Variants in ARSK observed in about 807,000 individuals in gnomAD.
ARSK encodes arylsulfatase family member K, also known as arylsulfatase K.
In ARSK, 37 loss-of-function variants were observed where a neutral mutation model predicts 53.2. That is an observed-to-expected ratio of 0.70 (90% CI 0.54 to 0.92). The LOEUF (loss-of-function observed/expected upper bound fraction) is 0.92, where lower values mean the gene tolerates loss of function less well. ARSK is among the 40% of genes least tolerant of loss of function. ARSK has a pLI of 0.00. For synonymous variants in ARSK, 208 were observed against 223.2 expected (o/e 0.93, Z 0.61); for missense variants, 613 against 643.0 (o/e 0.95, Z 0.51).
At chr5:95,557,445 A>G (rs533404215) in intron 1 of ARSK, among the ~76,000 whole-genome samples, 14 of 152,356 alleles carry the variant, frequency 9.2e-5, no homozygotes, top group African/African-American at 3.4e-4. Context: ...TAAATGCATT[A>G]ATGCAATTAC....
chr5:95,583,913 G>A (rs143788295), intron 4 of ARSK, among the ~76,000 whole-genome samples: 237 of 152,102 alleles, frequency 1.6e-3, no homozygotes, highest in African/African-American at 5.5e-3. Flanking sequence ...TGCCAATATC[G>A]CTTTCTGTGG....
chr5:95,585,066 A>C (rs1749089865), intron 4 of ARSK, among the ~76,000 whole-genome samples: 2 of 152,190 alleles, frequency 1.3e-5, no homozygotes, highest in African/African-American at 4.8e-5. Context: ...AATGGCCAAC[A>C]AATATATGAG....
intron 3 of ARSK, among the ~76,000 whole-genome samples, chr5:95,576,083 G>T (rs181289554): frequency 1.3e-5 from 2 of 152,010 alleles, no homozygotes; most frequent in East Asian, 3.9e-4. Flanking sequence ...GTGGTGGGGG[G>T]TGGGTAATCA....
intron 7 of ARSK, among the ~76,000 whole-genome samples, chr5:95,602,035 GA>G (rs201801396): frequency 6.1e-5 from 9 of 146,720 alleles, no homozygotes; most frequent in South Asian, 2.2e-4. Context: ...AACTTTAGAA[GA>G]AAAAAAAAAG....
chr5:95,581,874 G>GT (rs112835623), intron 3 of ARSK, among the ~76,000 whole-genome samples: 1,615 of 152,036 alleles, frequency 0.011, 30 homozygotes, highest in African/African-American at 0.036. Context: ...TGAAATTATG[G>GT]TTTTTTTATT....
At chr5:95,585,004 C>G (rs1749088550) in intron 4 of ARSK, among the ~76,000 whole-genome samples, 1 of 152,022 alleles carries the variant, frequency 6.6e-6, no homozygotes, top group African/African-American at 2.4e-5. Context: ...GAGCAAAACT[C>G]CATCTCAAAG....
At chr5:95,567,855 A>C (rs1368425414) in intron 2 of ARSK, 35 bp from the exon 3 acceptor site, 1 of 1,572,390 alleles carries the variant, frequency 6.4e-7, no homozygotes, top group Non-Finnish European at 8.6e-7. Context: ...GTTAAGCTTT[A>C]CCTTAATCCC....
chr5:95,572,292 C>G (rs1748845578), intron 3 of ARSK, among the ~76,000 whole-genome samples: 1 of 152,152 alleles, frequency 6.6e-6, no homozygotes, highest in South Asian at 2.1e-4. Context: ...AATTTATCTG[C>G]TTAGAATCCC....
chr5:95,560,790 T>A, intron 1 of ARSK, among the ~76,000 whole-genome samples: 1 of 145,980 alleles, frequency 6.9e-6, no homozygotes, highest in Non-Finnish European at 1.5e-5. Flanking sequence ...AATTAAAAGA[T>A]GGGCAAAAGA....
intron 6 of ARSK, 186 bp from the exon 7 acceptor site, chr5:95,600,661 C>A (rs1289054049): frequency 4.3e-6 from 3 of 700,716 alleles, no homozygotes; most frequent in Non-Finnish European, 7.8e-6. Flanking sequence ...AAATTACTTG[C>A]TGAAGTCCAC....
At chr5:95,591,362 CTG>C (rs753616334) in intron 5 of ARSK, 37 bp from the exon 6 acceptor site, 128 of 1,515,378 alleles carry the variant, frequency 8.4e-5, no homozygotes, top group Admixed American at 2.0e-4. Context: ...AAAACATGAA[CTG>C]AAAGTTTTAA....
intron 1 of ARSK, chr5:95,556,193 T>C (rs1487193831): frequency 1.4e-6 from 1 of 702,376 alleles, no homozygotes; most frequent in Non-Finnish European, 2.6e-6. Context: ...ATATGTTGTA[T>C]TTCCTTTCTC....
At chr5:95,567,459 T>C (rs1748743058) in intron 2 of ARSK, among the ~76,000 whole-genome samples, 1 of 152,226 alleles carries the variant, frequency 6.6e-6, no homozygotes, top group East Asian at 1.9e-4. Context: ...ACACTACGTT[T>C]TTTGTGGAAA....
At chr5:95,560,724 C>T (rs1215658119) in intron 1 of ARSK, among the ~76,000 whole-genome samples, 1 of 149,268 alleles carries the variant, frequency 6.7e-6, no homozygotes, top group Non-Finnish European at 1.5e-5. Flanking sequence ...AAATGTAAAA[C>T]TAAAAAACTC....
chr5:95,587,763 G>A lies in ARSK; in HGVS notation c.871+1030G>A, dbSNP rs28644427. ...CTCTACTAAAATACAAAATTTAGCCGGGTGTGGTGGCACGCACGTGTGATC... is the reference window on the plus strand; with the variant it reads ...CTCTACTAAAATACAAAATTTAGCCAGGTGTGGTGGCACGCACGTGTGATC... On this transcript the variant is annotated intron_variant, in intron 5 of 7. Transcript: ENST00000380009. 4.8e-3 allele frequency among the ~76,000 whole-genome samples: 733 copies of A among 152,110 alleles called. 4 individuals carry two copies. Among genetic ancestry groups the A allele is most frequent in the African/African-American group, 0.017 (686 of 41,526 alleles).
At chr5:95,598,893 C>T (rs374931779) in intron 6 of ARSK, among the ~76,000 whole-genome samples, 30 of 152,326 alleles carry the variant, frequency 2.0e-4, no homozygotes, top group African/African-American at 7.2e-4. Flanking sequence ...AACTGTAGGG[C>T]TCACTCTAGC....
intron 3 of ARSK, among the ~76,000 whole-genome samples, chr5:95,579,015 A>G (rs1404130353): frequency 6.6e-6 from 1 of 152,204 alleles, no homozygotes. Context: ...ATTGTTGGTT[A>G]GTATATTTGG....
intron 1 of ARSK, among the ~76,000 whole-genome samples, chr5:95,562,948 A>G (rs1447481870): frequency 1.3e-5 from 2 of 152,246 alleles, no homozygotes; most frequent in Non-Finnish European, 2.9e-5. Context: ...CTGGCTATCC[A>G]TTGTAAACCA....
At chr5:95,581,667 A>G (rs1749021938) in intron 3 of ARSK, among the ~76,000 whole-genome samples, 1 of 152,306 alleles carries the variant, frequency 6.6e-6, no homozygotes, top group African/African-American at 2.4e-5. Flanking sequence ...TACCACACAT[A>G]CTGCTGGTGT....
Sources: gnomAD v4.1 joint callset for allele counts (sites outside exome capture counted in the v4.1 genomes callset) on GRCh38, gnomAD v4.1.1 for gene constraint, MANE v1.5 for transcripts, NCBI Gene and HGNC (gene_info 2026-07-23, HGNC 2026-07-21) for gene names.